TMPRSS11F: variants seen among roughly 807,000 people sequenced by gnomAD.
TMPRSS11F encodes the protein transmembrane serine protease 11F.
Under a neutral mutation model 60.2 loss-of-function variants are expected in TMPRSS11F, and 47 were observed. That is an observed-to-expected ratio of 0.78 (90% CI 0.62 to 1.00). The LOEUF is 1.00. Among genes scored for constraint, TMPRSS11F ranks in the 50% least tolerant of loss-of-function variants. TMPRSS11F has a pLI of 0.00. For synonymous variants in TMPRSS11F, 166 were observed against 167.3 expected (o/e 0.99, Z 0.06); for missense variants, 519 against 522.9 (o/e 0.99, Z 0.07).
intron 1 of TMPRSS11F, among the ~76,000 whole-genome samples, chr4:68,126,821 G>C (rs1724721848): frequency 6.6e-6 from 1 of 152,188 alleles, no homozygotes; most frequent in Admixed American, 6.5e-5. Flanking sequence ...TGTACTTCAG[G>C]AACAATTAAG....
intron 1 of TMPRSS11F, among the ~76,000 whole-genome samples, chr4:68,111,145 A>G (rs1560410034): frequency 1.3e-5 from 2 of 152,130 alleles, no homozygotes; most frequent in Non-Finnish European, 2.9e-5. Context: ...CCCAAAACAT[A>G]GGTATAGTCC....
Position 68,090,746 on chromosome 4 carries a change from T to C in TMPRSS11F, c.164-105A>G, listed in dbSNP as rs145915610. 532 of 1,467,554 alleles carry C rather than the reference T, an allele frequency of 3.6e-4. 4 individuals are homozygous for C. The East Asian group carries it at 0.012, about 33-fold the overall frequency. 90.9% of individuals were successfully genotyped at this position (1,467,554 alleles called of 1,614,324 possible). A position where few individuals can be genotyped will look rare whatever the true frequency, so the allele number is the denominator to read the frequency against. On this transcript the variant is annotated intron_variant, in intron 2 of 9. Coordinates refer to ENST00000356291, the MANE Select transcript of TMPRSS11F (RefSeq NM_207407.2). The stretch of plus-strand genomic sequence containing the variant: ...AAATAGGCTACAATAATGCAGTTTA[T>C]TTCTACTTAGTGTAAAAATTCTTGA...
chr4:68,062,954 T>G (rs1300337342), intron 8 of TMPRSS11F: 2 of 754,418 alleles, frequency 2.7e-6, no homozygotes, highest in Admixed American at 1.8e-5. Context: ...AATGAGAATT[T>G]CTGGAACTGA....
chr4:68,068,933 A>G lies in TMPRSS11F; in HGVS notation c.554-114T>C, dbSNP rs189543964. 5.0e-4 allele frequency: 527 copies of G among 1,053,554 alleles called. 3 individuals are homozygous for G. Among genetic ancestry groups the G allele is most frequent in the Non-Finnish European group, 2.0e-4 (143 of 708,132 alleles). 65.3% of individuals were successfully genotyped at this position (1,053,554 alleles called of 1,614,324 possible). A position where few individuals can be genotyped will look rare whatever the true frequency, so the allele number is the denominator to read the frequency against. ...CCCTGCTACCATGTGAACCATTCAT[A>G]GCACTCAGCCTTTGAGCTTATTTGA... is the stretch of plus-strand genomic sequence containing the variant. On this transcript the variant is annotated intron_variant, in intron 6 of 9. Coordinates refer to ENST00000356291, the MANE Select transcript of TMPRSS11F (RefSeq NM_207407.2).
intron 1 of TMPRSS11F, among the ~76,000 whole-genome samples, chr4:68,116,659 C>T (rs886921551): frequency 2.0e-5 from 3 of 152,020 alleles, no homozygotes; most frequent in African/African-American, 7.2e-5. Context: ...TAGACCAATG[C>T]AACAGAAGAG....
At chr4:68,109,899 G>A (rs1400225299) in intron 1 of TMPRSS11F, among the ~76,000 whole-genome samples, 1 of 152,070 alleles carries the variant, frequency 6.6e-6, no homozygotes, top group Non-Finnish European at 1.5e-5. Flanking sequence ...TTAAATATTT[G>A]ATTATACTTG....
At chr4:68,124,280 C>T (rs755276365) in intron 1 of TMPRSS11F, among the ~76,000 whole-genome samples, 3 of 151,260 alleles carry the variant, frequency 2.0e-5, no homozygotes, top group Non-Finnish European at 2.9e-5. Context: ...GGGCATGGTG[C>T]CTCGCACCTA....
intron 5 of TMPRSS11F, 144 bp from the exon 6 acceptor site, chr4:68,070,151 C>T (rs75244170): frequency 1.8e-6 from 1 of 555,754 alleles, no homozygotes. Flanking sequence ...ATAATCAAGT[C>T]ATATATAAAT....
chr4:68,094,812 C>A (rs1724038617), intron 2 of TMPRSS11F, among the ~76,000 whole-genome samples: 1 of 151,630 alleles, frequency 6.6e-6, no homozygotes, highest in African/African-American at 2.4e-5. Context: ...AAACATAATT[C>A]TAAATAGTAA....
At chr4:68,079,888 C>T (rs929173302) in intron 3 of TMPRSS11F, among the ~76,000 whole-genome samples, 2 of 152,206 alleles carry the variant, frequency 1.3e-5, no homozygotes, top group African/African-American at 4.8e-5. Context: ...CACCCAGGTA[C>T]TGTTTTTGGC....
intron 3 of TMPRSS11F, among the ~76,000 whole-genome samples, chr4:68,082,099 A>C (rs1428642607): frequency 6.6e-6 from 1 of 152,186 alleles, no homozygotes; most frequent in Non-Finnish European, 1.5e-5. Context: ...ATGCAGACAC[A>C]GAGGCTGAAG....
In TMPRSS11F at chr4:68,103,900, T is replaced by C. The variant is rs562475010; in HGVS notation, c.12-4862A>G. Among the ~76,000 whole-genome samples, 4 of 152,300 alleles carry C rather than the reference T, an allele frequency of 2.6e-5. No homozygotes were observed. The South Asian group carries it at 8.3e-4, about 32-fold the overall frequency. On this transcript the variant is annotated intron_variant, in intron 1 of 9. Coordinates refer to ENST00000356291, the MANE Select transcript of TMPRSS11F (RefSeq NM_207407.2). ...AATTTATCCTAGGTATATTACTTTT[T>C]AAATTTTTGATACTATTGGAAATAG...
chr4:68,126,973 C>T (rs1724724360), intron 1 of TMPRSS11F, among the ~76,000 whole-genome samples: 1 of 152,172 alleles, frequency 6.6e-6, no homozygotes. Flanking sequence ...CTGCCACGCC[C>T]TTCATTTAGT....
intron 3 of TMPRSS11F, among the ~76,000 whole-genome samples, chr4:68,079,108 A>G (rs188049141): frequency 2.8e-4 from 31 of 109,168 alleles, no homozygotes. Context: ...CTAAAAGCTT[A>G]CAAGTATTAA....
chr4:68,072,516 C>A, intron 4 of TMPRSS11F, 30 bp from the exon 5 acceptor site: 1 of 1,434,982 alleles, frequency 7.0e-7, no homozygotes. Flanking sequence ...ATAAAAATGG[C>A]ATTTATCTAA....
chr4:68,080,579 C>T (rs1723677856), intron 3 of TMPRSS11F: 1 of 152,204 alleles, frequency 6.6e-6, no homozygotes. Context: ...AGACAAACAA[C>T]CCAACCCTCT....
intron 5 of TMPRSS11F, among the ~76,000 whole-genome samples, 172 bp downstream of exon 5, chr4:68,072,151 T>TATGAG (rs1343434034): frequency 3.4e-5 from 5 of 145,308 alleles, no homozygotes; most frequent in Non-Finnish European, 7.5e-5. Flanking sequence ...AATACTAAAT[T>TATGAG]TTGCCTCATA....
chr4:68,070,079 G>T, intron 5 of TMPRSS11F, 72 bp from the exon 6 acceptor site: 1 of 1,256,326 alleles, frequency 8.0e-7, no homozygotes, highest in South Asian at 1.3e-5. Context: ...TGTTCAACTG[G>T]TCATTAATAG....
rs143273918 is a variant in TMPRSS11F at position 68,073,968 on chromosome 4, A to G, written c.324T>C (p.Phe108=). ...TTAATTTGATAACATGAGATTTGATAAATCGACCGCCTACAGAAGAATGTC... is the reference window on the plus strand; with the variant it reads ...TTAATTTGATAACATGAGATTTGATGAATCGACCGCCTACAGAAGAATGTC... ...IFRHSSVGGR[F]IKSHVIKLSP... is the part of the protein sequence containing the mutation. The change falls in exon 4 of 10, where the codon TTT becomes TTC. Residue 108 remains phenylalanine, a synonymous_variant. Transcript: ENST00000356291. The G allele has an allele frequency of 4.6e-4, 733 of 1,585,008 alleles. No individual in the cohort carries two copies. The highest frequency in any genetic ancestry group is 5.8e-4 in the Non-Finnish European group (672 of 1,168,108).
Sources: gnomAD v4.1 joint callset for allele counts (sites outside exome capture counted in the v4.1 genomes callset) on GRCh38, gnomAD v4.1.1 for gene constraint, MANE v1.5 for transcripts, NCBI Gene and HGNC (gene_info 2026-07-23, HGNC 2026-07-21) for gene names.